Variants in GABRB1 observed in about 807,000 individuals in gnomAD.
GABRB1 encodes gamma-aminobutyric acid type A receptor subunit beta1.
Under a neutral mutation model 51.6 loss-of-function variants are expected in GABRB1, and 17 were observed. That is an observed-to-expected ratio of 0.33 (90% CI 0.23 to 0.49). The LOEUF (loss-of-function observed/expected upper bound fraction) is 0.49, where lower values mean the gene tolerates loss of function less well. Ranked by LOEUF, GABRB1 falls within the 20% of genes least tolerant of loss-of-function variation. The probability of loss-of-function intolerance (pLI) is 0.99; values close to 1 mark genes in which losing one functional copy is unlikely to be tolerated. For synonymous variants in GABRB1, 247 were observed against 218.9 expected (o/e 1.13, Z -1.14); for missense variants, 410 against 600.6 (o/e 0.68, Z 3.32).
At chr4:47,242,202 C>G (rs1201626673) in intron 4 of GABRB1, among the ~76,000 whole-genome samples, 1 of 152,166 alleles carries the variant, frequency 6.6e-6, no homozygotes. Flanking sequence ...CATGTCCCTA[C>G]AAAGGACATG....
intron 4 of GABRB1, among the ~76,000 whole-genome samples, chr4:47,319,261 T>C (rs1181879062): frequency 1.3e-5 from 2 of 152,128 alleles, no homozygotes; most frequent in African/African-American, 2.4e-5. Flanking sequence ...TAAGTGTGTA[T>C]ATACATACAC....
intron 3 of GABRB1, among the ~76,000 whole-genome samples, chr4:47,076,648 A>G (rs113190455): frequency 2.9e-4 from 43 of 148,168 alleles, no homozygotes; most frequent in African/African-American, 1.1e-3. Context: ...ATTACATGGA[A>G]AAACAAAACA....
chr4:47,351,456 T>A (rs982398172), intron 5 of GABRB1, among the ~76,000 whole-genome samples: 1 of 152,108 alleles, frequency 6.6e-6, no homozygotes, highest in South Asian at 2.1e-4. Context: ...ATGTGCACGA[T>A]GTGCAAGTTA....
intron 3 of GABRB1, among the ~76,000 whole-genome samples, chr4:47,040,435 G>A (rs1194950970): frequency 4.6e-5 from 7 of 152,054 alleles, no homozygotes; most frequent in Non-Finnish European, 1.0e-4. Context: ...GGAATTTAGT[G>A]ACTCTTTGGA....
At chr4:47,002,343 T>A (rs562268535) in intron 1 of GABRB1, among the ~76,000 whole-genome samples, 1 of 152,336 alleles carries the variant, frequency 6.6e-6, no homozygotes, top group South Asian at 2.1e-4. Context: ...GAATGTGTTG[T>A]GTATTTTATG....
intron 5 of GABRB1, among the ~76,000 whole-genome samples, chr4:47,323,149 C>A (rs1288152575): frequency 6.6e-6 from 1 of 152,140 alleles, no homozygotes; most frequent in East Asian, 1.9e-4. Flanking sequence ...GCTTTTAGAT[C>A]AAGGGTCAAA....
intron 3 of GABRB1, among the ~76,000 whole-genome samples, chr4:47,124,085 G>T (rs1264179482): frequency 6.8e-6 from 1 of 147,642 alleles, no homozygotes; most frequent in Non-Finnish European, 1.5e-5. Flanking sequence ...AGTCATAAAG[G>T]CCTCAGATAA....
chr4:47,087,769 C>T (rs1231581428), intron 3 of GABRB1, among the ~76,000 whole-genome samples: 1 of 152,068 alleles, frequency 6.6e-6, no homozygotes, highest in East Asian at 1.9e-4. Flanking sequence ...AATTAGCATC[C>T]TGTTTTAAGA....
intron 3 of GABRB1, among the ~76,000 whole-genome samples, chr4:47,061,527 A>G (rs1341784636): frequency 6.6e-6 from 1 of 152,198 alleles, no homozygotes; most frequent in Admixed American, 6.5e-5. Context: ...AGTAAATCCT[A>G]CTAGGAAAAT....
chr4:47,292,868 C>G (rs1254901666), intron 4 of GABRB1, among the ~76,000 whole-genome samples: 1 of 152,122 alleles, frequency 6.6e-6, no homozygotes, highest in Non-Finnish European at 1.5e-5. Flanking sequence ...TTATAATGAG[C>G]CCACTCTCAT....
intron 8 of GABRB1, among the ~76,000 whole-genome samples, chr4:47,422,875 T>C (rs987808695): frequency 6.6e-6 from 1 of 152,166 alleles, no homozygotes; most frequent in Non-Finnish European, 1.5e-5. Context: ...GGCTGACAGT[T>C]TCCAGGTCAC....
intron 1 of GABRB1, among the ~76,000 whole-genome samples, chr4:46,996,210 T>C (rs1013419856): frequency 6.6e-6 from 1 of 152,160 alleles, no homozygotes; most frequent in Non-Finnish European, 1.5e-5. Flanking sequence ...TATTATTGTC[T>C]GTGTAGCTGT....
intron 3 of GABRB1, among the ~76,000 whole-genome samples, chr4:47,089,255 C>T (rs917132775): frequency 2.6e-5 from 4 of 152,104 alleles, no homozygotes; most frequent in East Asian, 1.9e-4. Flanking sequence ...ATTTTACTAC[C>T]GAGGGTGAGT....
At chr4:47,027,440 C>T (rs1044337361), upstream of GABRB1, among the ~76,000 whole-genome samples, 5 of 151,304 alleles carry the variant, frequency 3.3e-5, no homozygotes, top group African/African-American at 1.2e-4. Context: ...AAGGTCCATG[C>T]TATAATATAT....
At chr4:47,046,426 G>T (rs973823668) in intron 3 of GABRB1, among the ~76,000 whole-genome samples, 1 of 152,030 alleles carries the variant, frequency 6.6e-6, no homozygotes, top group African/African-American at 2.4e-5. Context: ...GGTAGGAACT[G>T]TGAAAGGTTA....
At chr4:47,377,214 G>A (rs1258714502) in intron 5 of GABRB1, among the ~76,000 whole-genome samples, 1 of 152,098 alleles carries the variant, frequency 6.6e-6, no homozygotes, top group Admixed American at 6.5e-5. Context: ...CACAATATCC[G>A]CTCACTGCAA....
At chr4:47,290,885 G>A (rs1723701146) in intron 4 of GABRB1, among the ~76,000 whole-genome samples, 1 of 152,278 alleles carries the variant, frequency 6.6e-6, no homozygotes, top group East Asian at 1.9e-4. Flanking sequence ...AAGGGAAGCA[G>A]AGCATAAAAG....
In GABRB1 at chr4:47,346,075, A is replaced by G. The variant is rs576803392; in HGVS notation, c.544+25866A>G. Among the ~76,000 whole-genome samples the G allele has an allele frequency of 6.6e-5, 10 of 151,338 alleles. No individual in the cohort carries two copies. The South Asian group carries it at 1.5e-3, about 22-fold the overall frequency. On this transcript the variant is annotated intron_variant, in intron 5 of 8. Transcript: ENST00000295454. ...AAAAAAAAGGCCTGCAGATACCCCTATCAATAACAGTGAGAAGAAAAAGAG... is the reference window on the plus strand; with the variant it reads ...AAAAAAAAGGCCTGCAGATACCCCTGTCAATAACAGTGAGAAGAAAAAGAG...
chr4:47,032,749 G>A (rs1725381536), intron 3 of GABRB1: 1 of 678,984 alleles, frequency 1.5e-6, no homozygotes, highest in African/African-American at 1.8e-5. Flanking sequence ...GGATCTGCTG[G>A]GGCGGAGTCT....
Sources: gnomAD v4.1 joint callset for allele counts (sites outside exome capture counted in the v4.1 genomes callset) on GRCh38, gnomAD v4.1.1 for gene constraint, MANE v1.5 for transcripts, NCBI Gene and HGNC (gene_info 2026-07-23, HGNC 2026-07-21) for gene names.